Variants in CSMD1 observed in about 807,000 individuals in gnomAD.
CSMD1 encodes CUB and sushi domain-containing protein 1.
In CSMD1, 213 loss-of-function variants were observed where a neutral mutation model predicts 417.5. That is an observed-to-expected ratio of 0.51 (90% CI 0.46 to 0.57). The LOEUF (loss-of-function observed/expected upper bound fraction) is 0.57, where lower values mean the gene tolerates loss of function less well. Among genes scored for constraint, CSMD1 ranks in the 20% least tolerant of loss-of-function variants. CSMD1 has a pLI of 0.00. For synonymous variants in CSMD1, 2,862 were observed against 1,736.8 expected, an observed-to-expected ratio of 1.65 and a Z score of -16.11; for missense variants, 6,923 against 4,529.7, an observed-to-expected ratio of 1.53 and a Z score of -15.17.
intron 3 of CSMD1, among the ~76,000 whole-genome samples, chr8:4,245,212 G>A (rs944828010): frequency 6.6e-6 from 1 of 152,102 alleles, no homozygotes; most frequent in Non-Finnish European, 1.5e-5. Flanking sequence ...ACTTACCACT[G>A]GTTTTCTGAA....
chr8:3,427,384 T>C (rs117955864), intron 12 of CSMD1, among the ~76,000 whole-genome samples: 2 of 152,306 alleles, frequency 1.3e-5, no homozygotes, highest in South Asian at 4.2e-4. Flanking sequence ...AGATGGTCCC[T>C]GTCTCCTATT....
chr8:3,202,250 G>A (rs971055927), intron 31 of CSMD1, among the ~76,000 whole-genome samples: 1 of 152,102 alleles, frequency 6.6e-6, no homozygotes, highest in Non-Finnish European at 1.5e-5. Context: ...ATAAGCAAAG[G>A]ATCAAACCCC....
intron 3 of CSMD1, among the ~76,000 whole-genome samples, chr8:4,257,764 A>C (rs1224210652): frequency 6.6e-6 from 1 of 152,298 alleles, no homozygotes; most frequent in Non-Finnish European, 1.5e-5. Flanking sequence ...GCCAAGGATA[A>C]AACAGCATCC....
intron 2 of CSMD1, among the ~76,000 whole-genome samples, chr8:4,478,308 G>C (rs1292454549): frequency 6.6e-6 from 1 of 152,164 alleles, no homozygotes; most frequent in Non-Finnish European, 1.5e-5. Context: ...AAAGCAACAT[G>C]AGTTGCCTCA....
At chr8:4,103,488 A>T (rs2130885713) in intron 3 of CSMD1, among the ~76,000 whole-genome samples, 1 of 150,682 alleles carries the variant, frequency 6.6e-6, no homozygotes, top group South Asian at 2.1e-4. Context: ...TTTTACATAT[A>T]TATAAATAAA....
At chr8:3,254,636 G>A (rs985992933) in intron 26 of CSMD1, among the ~76,000 whole-genome samples, 3 of 152,012 alleles carry the variant, frequency 2.0e-5, no homozygotes, top group African/African-American at 4.8e-5. Context: ...TTCCATCACT[G>A]ATACCCTTTC....
chr8:4,303,409 TG>T (rs1798082881), intron 3 of CSMD1, among the ~76,000 whole-genome samples: 1 of 149,540 alleles, frequency 6.7e-6, no homozygotes, highest in South Asian at 2.1e-4. Flanking sequence ...ATTTATATAT[TG>T]GGCAGGAAGC....
At chr8:3,790,579 T>C (rs1380140248) in intron 5 of CSMD1, among the ~76,000 whole-genome samples, 1 of 152,192 alleles carries the variant, frequency 6.6e-6, no homozygotes, top group Non-Finnish European at 1.5e-5. Flanking sequence ...ATAATTTTTT[T>C]TTATGTTTTT....
chr8:4,867,608 C>T (rs1423697668), intron 1 of CSMD1, among the ~76,000 whole-genome samples: 1 of 151,996 alleles, frequency 6.6e-6, no homozygotes, highest in Non-Finnish European at 1.5e-5. Flanking sequence ...ATTTTTGTAT[C>T]ACCTTGCACT....
chr8:3,391,791 T>C (rs897719552), intron 17 of CSMD1, among the ~76,000 whole-genome samples: 1 of 152,192 alleles, frequency 6.6e-6, no homozygotes, highest in African/African-American at 2.4e-5. Flanking sequence ...ACACATTTTG[T>C]CTGTAGAGAT....
chr8:3,084,912 G>A (rs11782226), intron 49 of CSMD1, among the ~76,000 whole-genome samples: 1 of 151,116 alleles, frequency 6.6e-6, no homozygotes, highest in Non-Finnish European at 1.5e-5. Flanking sequence ...TTTGTTTTAA[G>A]CATTATAATC....
intron 1 of CSMD1, among the ~76,000 whole-genome samples, chr8:4,831,813 AC>A (rs1188714142): frequency 6.7e-6 from 1 of 149,708 alleles, no homozygotes; most frequent in Non-Finnish European, 1.5e-5. Flanking sequence ...AGCATCTCCC[AC>A]CCCCTCCCCT....
chr8:3,535,331 A>G (rs1798151674), intron 10 of CSMD1, among the ~76,000 whole-genome samples: 3 of 152,166 alleles, frequency 2.0e-5, no homozygotes, highest in Admixed American at 6.6e-5. Context: ...TCTATATACC[A>G]TGCTGAGTCA....
intron 50 of CSMD1, among the ~76,000 whole-genome samples, chr8:3,036,504 A>T (rs920212600): frequency 4.9e-4 from 75 of 152,314 alleles, no homozygotes; most frequent in African/African-American, 1.7e-3. Context: ...ATTAGATGTC[A>T]TTGGAGTAAA....
chr8:2,937,908 T>G lies in CSMD1; in HGVS notation c.*677A>C, dbSNP rs2291319. 0.32 allele frequency: 49,142 copies of G among 152,566 alleles called. 7,945 individuals are homozygous for G. The highest frequency in any genetic ancestry group is 0.34 in the Non-Finnish European group (23,351 of 68,004). The allele number at this position is 152,566 out of a possible 1,614,324, so 9.5% of individuals were successfully genotyped here. A position where few individuals can be genotyped will look rare whatever the true frequency, so the allele number is the denominator to read the frequency against. On this transcript the variant is annotated 3_prime_UTR_variant, in exon 70 of 70. Coordinates refer to ENST00000635120, the MANE Select transcript of CSMD1 (RefSeq NM_033225.6). Reference sequence around the variant, plus strand: ...ATAATTTATTTTTTTTATCAGAATCTTAGTCATTCATAACACACTAGTGCA... The same window carrying G: ...ATAATTTATTTTTTTTATCAGAATCGTAGTCATTCATAACACACTAGTGCA...
At chr8:2,988,293 A>C (rs904825852) in intron 54 of CSMD1, among the ~76,000 whole-genome samples, 1 of 152,134 alleles carries the variant, frequency 6.6e-6, no homozygotes, top group Admixed American at 6.5e-5. Context: ...TATGTACATA[A>C]GCATATCTGG....
intron 1 of CSMD1, among the ~76,000 whole-genome samples, chr8:4,931,566 A>T (rs1807252050): frequency 7.5e-6 from 1 of 133,922 alleles, no homozygotes; most frequent in African/African-American, 2.5e-5. Flanking sequence ...ACTATAGCTG[A>T]TTTCAAGAAA....
At chr8:4,880,711 A>G (rs544549488) in intron 1 of CSMD1, among the ~76,000 whole-genome samples, 1 of 152,194 alleles carries the variant, frequency 6.6e-6, no homozygotes, top group East Asian at 1.9e-4. Context: ...TCGCATAATC[A>G]TAAATATCCC....
intron 60 of CSMD1, 43 bp downstream of exon 60, chr8:2,963,179 G>A (rs373754858): frequency 3.1e-6 from 5 of 1,600,684 alleles, no homozygotes; most frequent in African/African-American, 1.3e-5. Flanking sequence ...CGTCCCTGTT[G>A]CAGACCTGCA....
Sources: gnomAD v4.1 joint callset for allele counts (sites outside exome capture counted in the v4.1 genomes callset) on GRCh38, gnomAD v4.1.1 for gene constraint, MANE v1.5 for transcripts, NCBI Gene and HGNC (gene_info 2026-07-23, HGNC 2026-07-21) for gene names.